Variants in GCN1 observed in about 807,000 individuals in gnomAD.
GCN1 encodes the protein stalled ribosome sensor GCN1.
In GCN1, 90 loss-of-function variants were observed where a neutral mutation model predicts 288.4. The ratio of observed to expected loss-of-function variants is 0.31; its 90% CI spans 0.26 to 0.37. GCN1 has a LOEUF of 0.37. Ranked by LOEUF, GCN1 falls within the 10% of genes least tolerant of loss-of-function variation. The pLI, the probability that GCN1 is intolerant of heterozygous loss-of-function variation, is 1.00. For synonymous variants in GCN1, 1,386 were observed against 1,420.2 expected, an observed-to-expected ratio of 0.98 and a Z score of 0.54; for missense variants, 2,586 against 3,419.9, an observed-to-expected ratio of 0.76 and a Z score of 6.08.
chr12:120,192,853 T>C (rs1374340049), intron 1 of GCN1, among the ~76,000 whole-genome samples: 1 of 151,390 alleles, frequency 6.6e-6, no homozygotes, highest in African/African-American at 2.4e-5. Flanking sequence ...GAGACCAGCC[T>C]ACCCAACATG....
intron 18 of GCN1, 119 bp downstream of exon 18, chr12:120,164,217 T>C: frequency 1.3e-6 from 1 of 767,178 alleles, no homozygotes; most frequent in Non-Finnish European, 2.2e-6. Context: ...CAGAAGATGC[T>C]GGCATCACAC....
Position 120,137,272 on chromosome 12 carries a change from C to T in GCN1, c.6711G>A (p.Lys2237=). The T allele has an allele frequency of 6.2e-7, 1 of 1,614,188 alleles. No individual in the cohort carries two copies. Among genetic ancestry groups the T allele is most frequent in the African/African-American group, 1.3e-5 (1 of 75,058 alleles). ...NQLALIEELH[K]EIRLIGNESK... is the part of the protein sequence containing the mutation. ...TCTCGTTCCCTATGAGCCGGATTTCCTTGTGCAGCTCTTCAATGAGTGCCA... is the reference window on the plus strand; with the variant it reads ...TCTCGTTCCCTATGAGCCGGATTTCTTTGTGCAGCTCTTCAATGAGTGCCA... The change falls in exon 50 of 58, where the codon AAG becomes AAA. Residue 2237 remains lysine, a synonymous_variant. Coordinates refer to ENST00000300648, the MANE Select transcript of GCN1 (RefSeq NM_006836.2). The surrounding 1 kb of genome is among the most constrained non-coding windows in gnomAD (Gnocchi z 5.2).
At chr12:120,193,164 C>T (rs1879061388) in intron 1 of GCN1, among the ~76,000 whole-genome samples, 1 of 152,324 alleles carries the variant, frequency 6.6e-6, no homozygotes, top group South Asian at 2.1e-4. Context: ...ACCAGCCTGG[C>T]CAACATGGAG....
Position 120,153,377 on chromosome 12 carries a change from C to T in GCN1, c.3898G>A (p.Glu1300Lys), listed in dbSNP as rs757719621. Residue 1300 changes from glutamate (E) to lysine (K), a missense_variant, in exon 33 of 58, where the codon GAG (glutamate) becomes AAG (lysine). Around this residue, in one of 8 missense-constraint regions of GCN1, gnomAD observed 332 missense variants for 403.0 expected, o/e 0.82. Transcript: ENST00000300648. This position sits in a 1 kb window ranked among gnomAD's most constrained non-coding sequence, Gnocchi z 4.4. ...TTGGGCGCGTTCTTCAGGAACTCCT[C>T]GAATACTGGCAACAGCGAGTTGACG... is the stretch of plus-strand genomic sequence containing the variant. ...ENVNSLLPVFEEFLKNAPNDA... is the reference protein window; with the variant it reads ...ENVNSLLPVFKEFLKNAPNDA... 3.1e-6 allele frequency: 5 copies of T among 1,614,148 alleles called. No individual in the cohort carries two copies. The Admixed American group carries it at 5.0e-5, about 16-fold the overall frequency.
rs1361308936 is a variant in GCN1, at chr12:120,138,340, G to A, written c.6232C>T (p.Pro2078Ser). The A allele has an allele frequency of 6.2e-7, 1 of 1,602,790 alleles. No individual in the cohort carries two copies. The highest frequency in any genetic ancestry group is 1.7e-5 in the Admixed American group (1 of 60,022). The change falls in exon 47 of 58, where the codon CCC (proline) becomes TCC (serine). Residue 2078 changes from proline (P) to serine (S), a missense_variant. By Grantham distance (74) the Pro-to-Ser change is moderately conservative (BLOSUM62 -1). Transcript: ENST00000300648. The part of the protein sequence containing the change: ...VMAIKSRVVL[P>S]YLVPKLTTPP... Reference sequence around the variant, plus strand: ...GGATTTACCTTGGGCACAAGGTAGGGCAGCACCACACGACTCTTAATAGCC... The same window carrying A: ...GGATTTACCTTGGGCACAAGGTAGGACAGCACCACACGACTCTTAATAGCC...
rs1877286779 is a variant in GCN1 at position 120,144,191 on chromosome 12, A to G, written c.5495+115T>C. 24 of 1,150,912 alleles carry G rather than the reference A, an allele frequency of 2.1e-5. No homozygotes were observed. In the South Asian group the frequency reaches 2.7e-4, roughly 13 times the overall value. The allele number at this position is 1,150,912 out of a possible 1,614,324, so 71.3% of individuals were successfully genotyped here. On this transcript the variant is annotated intron_variant, in intron 42 of 57. Coordinates refer to ENST00000300648, the MANE Select transcript of GCN1 (RefSeq NM_006836.2). This position sits in a 1 kb window ranked among gnomAD's most constrained non-coding sequence, Gnocchi z 4.7. The stretch of plus-strand genomic sequence containing the variant: ...GGGTCTCACTATGTTGCCAGGGCTC[A>G]TCGTAAACTCCTGGGTTTAAGCAAT...
chr12:120,150,284 T>C (rs926890077), intron 34 of GCN1, among the ~76,000 whole-genome samples: 1 of 152,122 alleles, frequency 6.6e-6, no homozygotes, highest in African/African-American at 2.4e-5. Context: ...CCTTCACTTC[T>C]TGGCACTAAC....
chr12:120,147,942 G>A (rs897748935), intron 37 of GCN1, among the ~76,000 whole-genome samples: 1 of 152,220 alleles, frequency 6.6e-6, no homozygotes, highest in Non-Finnish European at 1.5e-5. Flanking sequence ...ATGTGGTCCA[G>A]ATAATGTCAT....
chr12:120,157,130 A>G, intron 26 of GCN1, 138 bp from the exon 27 acceptor site: 1 of 620,610 alleles, frequency 1.6e-6, no homozygotes, highest in Non-Finnish European at 2.9e-6. Context: ...AACCTCATTA[A>G]GTTTACAACT....
In GCN1 at chr12:120,136,673, C is replaced by T; in HGVS notation, c.6837G>A (p.Gln2279=). Residue 2279 remains glutamine (Q), a synonymous_variant, in exon 51 of 58, where the codon CAG becomes CAA. Coordinates refer to ENST00000300648, the MANE Select transcript of GCN1 (RefSeq NM_006836.2). Reference sequence around the variant, plus strand: ...CTAAGGCTTTGGCTGCCTCCTCCTTCTGCTCAGGGCTGCCAGTCAGGACTC... The same window carrying T: ...CTAAGGCTTTGGCTGCCTCCTCCTTTTGCTCAGGGCTGCCAGTCAGGACTC... ...REGVLTGSPE[Q]KEEAAKALGL... 4 of 1,614,100 alleles carry T rather than the reference C, an allele frequency of 2.5e-6. No homozygotes were observed. The highest frequency in any genetic ancestry group is 3.4e-6 in the Non-Finnish European group (4 of 1,180,036).
chr12:120,130,781 GAGGCCCCC>G, intron 55 of GCN1, 28 bp from the exon 56 acceptor site: 3 of 1,463,594 alleles, frequency 2.0e-6, no homozygotes, highest in Non-Finnish European at 2.9e-6. Context: ...CGCTAGACGG[GAGGCCCCC>G]CACCCCTTCC....
In GCN1 at chr12:120,134,495, C is replaced by T. The variant is rs1566297348; in HGVS notation, c.7202+38G>A. On this transcript the variant is annotated intron_variant, in intron 52 of 57. Coordinates refer to ENST00000300648, the MANE Select transcript of GCN1 (RefSeq NM_006836.2). This position sits in a 1 kb window ranked among gnomAD's most constrained non-coding sequence, Gnocchi z 5.0. ...GGCTCGGCCCACAGCAACCCCTGGC[C>T]TCCTGGAGGCCACAGTGCTCCCTTG... is the stretch of plus-strand genomic sequence containing the variant. 1.2e-6 allele frequency: 2 copies of T among 1,604,932 alleles called. No homozygotes were observed. Among genetic ancestry groups the T allele is most frequent in the East Asian group, 2.2e-5 (1 of 44,760 alleles).
At position 120,134,235 on chromosome 12, in the gene GCN1, G is replaced by A; in HGVS notation, c.7317+56C>T. 2.6e-6 allele frequency: 3 copies of A among 1,150,248 alleles called. No homozygotes were observed. Among genetic ancestry groups the A allele is most frequent in the African/African-American group, 1.5e-5 (1 of 66,324 alleles). The allele number at this position is 1,150,248 out of a possible 1,614,324, so 71.3% of individuals were successfully genotyped here. ...CACAAAGTGAAGAACTCAACCTAAG[G>A]AGGAGGAGGGAAACCAGTGGTCCAG... On this transcript the variant is annotated intron_variant, in intron 53 of 57. Transcript: ENST00000300648. This position sits in a 1 kb window ranked among gnomAD's most constrained non-coding sequence, Gnocchi z 5.0.
chr12:120,154,918 C>G (rs1877690027), intron 31 of GCN1, 52 bp downstream of exon 31: 1 of 1,511,270 alleles, frequency 6.6e-7, no homozygotes, highest in Non-Finnish European at 9.2e-7. Context: ...CCCAGCCAAC[C>G]TGCCACATCT....
chr12:120,166,563 G>C (rs1878132271), intron 16 of GCN1, among the ~76,000 whole-genome samples: 1 of 151,238 alleles, frequency 6.6e-6, no homozygotes, highest in Non-Finnish European at 1.5e-5. Flanking sequence ...AATTAGCCAG[G>C]CGTGGCGGCA....
intron 14 of GCN1, among the ~76,000 whole-genome samples, chr12:120,172,493 C>A (rs1445731317): frequency 6.6e-6 from 1 of 152,120 alleles, no homozygotes; most frequent in Admixed American, 6.5e-5. Flanking sequence ...CAAGAGGAGG[C>A]CCTGGAATCT....
Position 120,173,812 on chromosome 12 carries a change from A to C in GCN1, c.1207T>G (p.Leu403Val). The change falls in exon 14 of 58, where the codon TTG becomes GTG. Residue 403 changes from leucine to valine, a missense_variant. Coordinates refer to ENST00000300648, the MANE Select transcript of GCN1 (RefSeq NM_006836.2). ...FLQQEVHEGT[L>V]VHAVSVLALW... Reference sequence around the variant, plus strand: ...GCCAGGACTGAGACAGCGTGTACCAAGGTCCCTTCATGAACTAGGGCAAAA... The same window carrying C: ...GCCAGGACTGAGACAGCGTGTACCACGGTCCCTTCATGAACTAGGGCAAAA... 1 of 1,613,896 alleles carries C rather than the reference A, an allele frequency of 6.2e-7. No homozygotes were observed.
At chr12:120,173,905 G>T in intron 13 of GCN1, 79 bp from the exon 14 acceptor site, 1 of 1,279,288 alleles carries the variant, frequency 7.8e-7, no homozygotes, top group Non-Finnish European at 1.1e-6. Context: ...CAAAAAACAA[G>T]CCAGAGTACA....
At position 120,134,644 on chromosome 12, in the gene GCN1, C is replaced by T. The variant is rs761662562; in HGVS notation, c.7091G>A (p.Arg2364His). ...KALQDSNRGV[R>H]LKAADALGKL... is the part of the protein sequence containing the mutation. ...CCCCAGAGCATCTGCGGCCTTCAGGCGCACCCCCCGGTTGGAGTCCTGCAG... is the reference window on the plus strand; with the variant it reads ...CCCCAGAGCATCTGCGGCCTTCAGGTGCACCCCCCGGTTGGAGTCCTGCAG... Residue 2364 changes from arginine (R) to histidine (H), a missense_variant, in exon 52 of 58, where the codon CGC (arginine) becomes CAC (histidine). Physicochemically the swap from Arg to His is conservative, Grantham distance 29. This residue lies in a region of GCN1 where 355 missense variants were observed against 431.1 expected (regional missense o/e 0.82). Coordinates refer to ENST00000300648, the MANE Select transcript of GCN1 (RefSeq NM_006836.2). This position sits in a 1 kb window ranked among gnomAD's most constrained non-coding sequence, Gnocchi z 5.0. The T allele has an allele frequency of 1.2e-6, 2 of 1,613,916 alleles. No homozygotes were observed. The highest frequency in any genetic ancestry group is 1.1e-5 in the South Asian group (1 of 91,070).
Sources: allele counts gnomAD v4.1 joint callset (sites outside exome capture counted in the v4.1 genomes callset), GRCh38; gene constraint gnomAD v4.1.1; regional missense constraint gnomAD v4.1.1; non-coding constraint Gnocchi (gnomAD v3.1); transcripts MANE v1.5; gene names NCBI Gene and HGNC (gene_info 2026-07-23, HGNC 2026-07-21).